The following EXOC4 variants were observed in gnomAD, a reference collection of about 807,000 sequenced individuals.
EXOC4 encodes the protein SEC8-like 1.
EXOC4 carries 71 observed loss-of-function variants against 107.2 expected under a neutral mutation model. The observed-to-expected ratio is 0.66, with a 90% confidence interval of 0.55 to 0.81. The LOEUF is 0.81. Among genes scored for constraint, EXOC4 ranks in the 30% least tolerant of loss-of-function variants. The probability of loss-of-function intolerance (pLI) is 0.00; values close to 1 mark genes in which losing one functional copy is unlikely to be tolerated. For missense variants in EXOC4, 1,108 were observed against 1,189.6 expected (o/e 0.93, Z 1.01); for synonymous variants, 456 against 441.2 (o/e 1.03, Z -0.42).
chr7:134,092,710 G>A, the EXOC4 span, among the ~76,000 whole-genome samples: 1 of 152,012 alleles, frequency 6.6e-6, no homozygotes, highest in African/African-American at 2.4e-5. Context: ...CGTGAAGGGA[G>A]TTATATACGT....
intron 7 of EXOC4, among the ~76,000 whole-genome samples, chr7:133,448,718 A>G (rs1305427827): frequency 6.6e-6 from 1 of 152,204 alleles, no homozygotes; most frequent in Non-Finnish European, 1.5e-5. Context: ...GACCTCATTT[A>G]GAGATAGGGT....
At chr7:133,298,261 G>A (rs1323851108) in intron 3 of EXOC4, among the ~76,000 whole-genome samples, 1 of 152,122 alleles carries the variant, frequency 6.6e-6, no homozygotes, top group Non-Finnish European at 1.5e-5. Context: ...TTAGTAAAGA[G>A]CTGTGTAAGT....
rs1236640612 is a variant in EXOC4 at position 133,712,550 on chromosome 7, CA to C, written c.1514+82415del. On this transcript the variant is annotated intron_variant, in intron 10 of 17. Coordinates refer to ENST00000253861, the MANE Select transcript of EXOC4 (RefSeq NM_021807.4). ...CATGATGGCAGGTTTGGCCGTGCCT[CA>C]AAAAATTAAACATAGAATTAGCATA... is the stretch of plus-strand genomic sequence containing the variant. Among the ~76,000 whole-genome samples the C allele has an allele frequency of 2.7e-5, 4 of 147,564 alleles. No individual in the cohort carries two copies. In the Admixed American group the frequency reaches 2.7e-4, roughly 10 times the overall value.
chr7:133,544,555 C>T (rs1800443067), intron 9 of EXOC4, among the ~76,000 whole-genome samples: 1 of 152,058 alleles, frequency 6.6e-6, no homozygotes, highest in South Asian at 2.1e-4. Flanking sequence ...TAAATTAGGT[C>T]ACCTAACAGT....
At chr7:133,941,248 C>T (rs1800421089) in intron 14 of EXOC4, among the ~76,000 whole-genome samples, 1 of 152,044 alleles carries the variant, frequency 6.6e-6, no homozygotes, top group Admixed American at 6.6e-5. Context: ...CCGCCCGCCT[C>T]GGCCTCCCAA....
chr7:133,987,331 G>T (rs1368150358), intron 14 of EXOC4, among the ~76,000 whole-genome samples: 1 of 117,018 alleles, frequency 8.5e-6, no homozygotes, highest in Non-Finnish European at 1.7e-5. Flanking sequence ...GCGTGGTGGT[G>T]CTCACCTGTA....
chr7:133,702,957 G>A (rs1278560756), intron 10 of EXOC4, among the ~76,000 whole-genome samples: 1 of 152,012 alleles, frequency 6.6e-6, no homozygotes, highest in African/African-American at 2.4e-5. Context: ...AACCATTTTG[G>A]TTATTTTGCC....
chr7:133,778,489 C>T (rs1240721127), intron 10 of EXOC4, among the ~76,000 whole-genome samples: 4 of 152,092 alleles, frequency 2.6e-5, no homozygotes, highest in Admixed American at 2.6e-4. Flanking sequence ...AAGGTTGAGG[C>T]GGGAGGATGG....
chr7:133,275,217 A>G (rs184949563), intron 2 of EXOC4, 46 bp downstream of exon 2: 118 of 1,453,878 alleles, frequency 8.1e-5, no homozygotes, highest in Admixed American at 1.7e-4. Flanking sequence ...TCCCATCACT[A>G]TAGGTGTTGC....
chr7:133,404,649 C>T (rs1797171191), intron 7 of EXOC4, among the ~76,000 whole-genome samples: 1 of 152,118 alleles, frequency 6.6e-6, no homozygotes, highest in Admixed American at 6.5e-5. Context: ...CAACTGGGAA[C>T]TTTCTTGGGG....
intron 9 of EXOC4, among the ~76,000 whole-genome samples, chr7:133,624,375 G>C (rs1156645366): frequency 1.3e-5 from 2 of 152,086 alleles, no homozygotes; most frequent in Non-Finnish European, 2.9e-5. Context: ...GCTTGATTTA[G>C]GAGTTCAAGA....
At chr7:133,555,686 C>T (rs1209214642) in intron 9 of EXOC4, among the ~76,000 whole-genome samples, 1 of 152,156 alleles carries the variant, frequency 6.6e-6, no homozygotes, top group African/African-American at 2.4e-5. Context: ...GCTATTATAA[C>T]ATATGCTCGA....
intron 17 of EXOC4, among the ~76,000 whole-genome samples, chr7:134,019,446 T>TGATGATGATGATGATGAC (rs1563093729): frequency 1.3e-5 from 2 of 150,932 alleles, no homozygotes; most frequent in Admixed American, 1.3e-4. Context: ...ATGATGATGA[T>TGATGATGATGATGATGAC]GACATATTCC....
At chr7:133,717,464 C>T (rs147013286) in intron 10 of EXOC4, among the ~76,000 whole-genome samples, 1 of 152,122 alleles carries the variant, frequency 6.6e-6, no homozygotes, top group Admixed American at 6.6e-5. Flanking sequence ...GTGAGGTCCT[C>T]CATGATGTGC....
At chr7:133,341,427 G>A (rs1014155340) in intron 5 of EXOC4, among the ~76,000 whole-genome samples, 3 of 152,122 alleles carry the variant, frequency 2.0e-5, no homozygotes, top group African/African-American at 7.2e-5. Flanking sequence ...TCTTAAACTT[G>A]TTGAGACTGG....
intron 10 of EXOC4, among the ~76,000 whole-genome samples, chr7:133,659,137 A>T (rs532729583): frequency 6.7e-6 from 1 of 150,198 alleles, no homozygotes; most frequent in Non-Finnish European, 1.5e-5. Flanking sequence ...GACCATCCAT[A>T]GGTAATAGAG....
At chr7:133,370,258 T>C (rs1796345328) in intron 6 of EXOC4, among the ~76,000 whole-genome samples, 1 of 151,616 alleles carries the variant, frequency 6.6e-6, no homozygotes, top group African/African-American at 2.4e-5. Flanking sequence ...CCTTACGAAA[T>C]GTGCCCAAGG....
rs1381101309 is a variant in EXOC4 at position 133,356,386 on chromosome 7, A to G, written c.820A>G (p.Asn274Asp). The G allele has an allele frequency of 6.2e-7, 1 of 1,614,142 alleles. No individual in the cohort carries two copies. Among genetic ancestry groups the G allele is most frequent in the South Asian group, 1.1e-5 (1 of 91,072 alleles). Residue 274 changes from asparagine (N) to aspartate (D), a missense_variant, in exon 6 of 18, where the codon AAC becomes GAC. Transcript: ENST00000253861. Reference sequence around the variant, plus strand: ...AGATTTAGAATTGGATCCAGAGGAAAACAGCACCCTGTTTATGGGTATCCT... The same window carrying G: ...AGATTTAGAATTGGATCCAGAGGAAGACAGCACCCTGTTTATGGGTATCCT... The part of the protein sequence containing the change: ...KEDLELDPEE[N>D]STLFMGILIK...
chr7:133,626,557 G>A (rs1802460940), intron 9 of EXOC4, among the ~76,000 whole-genome samples: 1 of 152,116 alleles, frequency 6.6e-6, no homozygotes, highest in Admixed American at 6.5e-5. Context: ...TTTAGGTGTT[G>A]GGGTAGGGAG....
Sources: gnomAD v4.1 joint callset for allele counts (sites outside exome capture counted in the v4.1 genomes callset) on GRCh38, gnomAD v4.1.1 for gene constraint, MANE v1.5 for transcripts, NCBI Gene and HGNC (gene_info 2026-07-23, HGNC 2026-07-21) for gene names.